The following NMI variants were observed in gnomAD, a reference collection of about 807,000 sequenced individuals.
The protein encoded by NMI is N-myc-interactor.
A neutral mutation model predicts 34.3 loss-of-function variants in NMI; 39 were observed. The ratio of observed to expected loss-of-function variants is 1.14; its 90% CI spans 0.88 to 1.49. The LOEUF is 1.49. Among genes scored for constraint, NMI ranks in the 40% most tolerant of loss-of-function variants. The pLI is 0.00. For synonymous variants in NMI, 113 were observed against 120.3 expected (o/e 0.94, Z 0.40); for missense variants, 339 against 358.1 (o/e 0.95, Z 0.43).
chr2:151,271,701 G>T lies in NMI; in HGVS notation c.666C>A (p.Tyr222Ter). ...VADKILKKKE[Y>*]PLYINQTCHR... is the part of the protein sequence containing the mutation. ...GGCAGGTTTGATTTATATAAAGAGG[G>T]TATTCTTTCTTTTTCAAAATCTTGT... Residue 222 changes from tyrosine (Y) to a stop codon, truncating the protein, a stop_gained, in exon 7 of 8, where the codon TAC becomes TAA. Transcript: ENST00000243346. LOFTEE classifies it high-confidence loss of function. 1 of 1,572,818 alleles carries T rather than the reference G, an allele frequency of 6.4e-7. No individual in the cohort carries two copies. The highest frequency in any genetic ancestry group is 2.2e-5 in the East Asian group (1 of 44,446).
intron 4 of NMI, chr2:151,277,388 G>C (rs993899053): frequency 2.6e-5 from 4 of 152,176 alleles, no homozygotes; most frequent in Non-Finnish European, 5.9e-5. Flanking sequence ...AGCTGAGAGG[G>C]ACCGCTTGTG....
chr2:151,281,026 G>A (rs1398927167), intron 3 of NMI, among the ~76,000 whole-genome samples: 2 of 151,878 alleles, frequency 1.3e-5, no homozygotes, highest in African/African-American at 4.8e-5. Flanking sequence ...TTTTAGTAGA[G>A]ACAGGGTTTC....
At chr2:151,289,087 C>CA (rs200462564) in intron 1 of NMI, 363 of 144,910 alleles carry the variant, frequency 2.5e-3, no homozygotes, top group East Asian at 5.4e-3. Context: ...ACTAAAAATA[C>CA]AAAAAAAAAA....
chr2:151,286,997 A>G (rs1387154762), intron 1 of NMI, among the ~76,000 whole-genome samples: 3 of 152,040 alleles, frequency 2.0e-5, no homozygotes, highest in Non-Finnish European at 2.9e-5. Flanking sequence ...TGACCCCTAC[A>G]CTATCCAAGA....
Position 151,282,972 on chromosome 2 carries a change from A to T in NMI, c.-6-18T>A, listed in dbSNP as rs775698108. 72 of 1,302,152 alleles carry T rather than the reference A, an allele frequency of 5.5e-5. No individual in the cohort carries two copies. The highest frequency in any genetic ancestry group is 6.9e-5 in the Non-Finnish European group (65 of 948,480). 80.7% of individuals were successfully genotyped at this position (1,302,152 alleles called of 1,614,324 possible). A position where few individuals can be genotyped will look rare whatever the true frequency, so the allele number is the denominator to read the frequency against. ...ATGATCCCCTAATATTATAAAAAAT[A>T]AATATTATAAGCATAGCATATATAC... is the stretch of plus-strand genomic sequence containing the variant. On this transcript the variant is annotated intron_variant, in intron 1 of 7. Transcript: ENST00000243346.
At chr2:151,274,103 G>A (rs1363027989) in intron 6 of NMI, among the ~76,000 whole-genome samples, 2 of 151,810 alleles carry the variant, frequency 1.3e-5, no homozygotes, top group African/African-American at 4.8e-5. Flanking sequence ...AGCACTTTGG[G>A]AAGCCAAGGC....
At chr2:151,285,598 A>C (rs1032496897) in intron 1 of NMI, among the ~76,000 whole-genome samples, 1 of 151,880 alleles carries the variant, frequency 6.6e-6, no homozygotes, top group Non-Finnish European at 1.5e-5. Flanking sequence ...AGAAAAAAAA[A>C]AAAAAAAAGC....
intron 1 of NMI, among the ~76,000 whole-genome samples, chr2:151,284,607 TG>T (rs1683463078): frequency 6.6e-6 from 1 of 151,850 alleles, no homozygotes; most frequent in Admixed American, 6.6e-5. Flanking sequence ...ATTGACTAAA[TG>T]TTTTTTTTTT....
At chr2:151,285,405 A>AG (rs56809811) in intron 1 of NMI, among the ~76,000 whole-genome samples, 38 of 141,270 alleles carry the variant, frequency 2.7e-4, no homozygotes, top group African/African-American at 1.1e-3. Context: ...ATAGATAGAT[A>AG]AATAGACAGA....
Position 151,275,739 on chromosome 2 carries a change from A to C in NMI, c.447+19T>G, listed in dbSNP as rs1215549177. 2.5e-6 allele frequency: 4 copies of C among 1,610,484 alleles called. No individual in the cohort carries two copies. The African/African-American group carries it at 5.4e-5, about 22-fold the overall frequency. On this transcript the variant is annotated intron_variant, in intron 5 of 7. Coordinates refer to ENST00000243346, the MANE Select transcript of NMI (RefSeq NM_004688.3). The stretch of plus-strand genomic sequence containing the variant: ...CTTGTGATGAACAGAAATCCAAAAA[A>C]TTTTAATCATCCTGTTACCTGGAAT...
In NMI at chr2:151,278,914, T is replaced by C; in HGVS notation, c.254A>G (p.Asn85Ser). 1 of 1,612,502 alleles carries C rather than the reference T, an allele frequency of 6.2e-7. No homozygotes were observed. Residue 85 changes from asparagine (N) to serine (S), a missense_variant, in exon 4 of 8, where the codon AAT becomes AGT. Coordinates refer to ENST00000243346, the MANE Select transcript of NMI (RefSeq NM_004688.3). ...GCTCACTTGAAACGAACAGGAGATA[T>C]TTGACAACTGGCTGTCATTCTCAGG... is the stretch of plus-strand genomic sequence containing the variant. ...ETPENDSQLS[N>S]ISCSFQVSSK...
chr2:151,286,995 A>G (rs1164508406), intron 1 of NMI, among the ~76,000 whole-genome samples: 1 of 152,068 alleles, frequency 6.6e-6, no homozygotes, highest in African/African-American at 2.4e-5. Context: ...CTTGACCCCT[A>G]CACTATCCAA....
chr2:151,285,919 G>A (rs142695248), intron 1 of NMI, among the ~76,000 whole-genome samples: 18 of 152,162 alleles, frequency 1.2e-4, no homozygotes, highest in African/African-American at 3.6e-4. Context: ...GATGGTTTTC[G>A]GTGGCCAAAT....
At chr2:151,286,820 C>T (rs1348084903) in intron 1 of NMI, among the ~76,000 whole-genome samples, 2 of 152,178 alleles carry the variant, frequency 1.3e-5, no homozygotes, top group Non-Finnish European at 2.9e-5. Context: ...TCCACACTTC[C>T]ACATCTCCCT....
chr2:151,273,624 G>A (rs1169410849), intron 6 of NMI, among the ~76,000 whole-genome samples: 2 of 152,182 alleles, frequency 1.3e-5, no homozygotes, highest in African/African-American at 4.8e-5. Flanking sequence ...CCAGGTTCAA[G>A]CAATTCTCCT....
At chr2:151,288,353 G>A (rs910839528) in intron 1 of NMI, among the ~76,000 whole-genome samples, 3 of 152,168 alleles carry the variant, frequency 2.0e-5, no homozygotes, top group Non-Finnish European at 4.4e-5. Flanking sequence ...ATGTGACCCC[G>A]GAAGAACTTT....
intron 1 of NMI, among the ~76,000 whole-genome samples, chr2:151,284,789 C>A (rs544810482): frequency 6.6e-6 from 1 of 152,216 alleles, no homozygotes; most frequent in South Asian, 2.1e-4. Context: ...AACAGTCTGC[C>A]ATATAATTTT....
intron 6 of NMI, among the ~76,000 whole-genome samples, chr2:151,274,664 G>A (rs527560297): frequency 6.6e-6 from 1 of 151,664 alleles, no homozygotes; most frequent in South Asian, 2.1e-4. Flanking sequence ...TTTTAGTAGA[G>A]ACGGGGTTTC....
chr2:151,276,967 A>G (rs182117761), intron 4 of NMI, among the ~76,000 whole-genome samples: 80 of 152,378 alleles, frequency 5.3e-4, no homozygotes, highest in Non-Finnish European at 9.3e-4. Flanking sequence ...CTCTATGTCA[A>G]TTAAAAATGT....
Sources: gnomAD v4.1 joint callset for allele counts (sites outside exome capture counted in the v4.1 genomes callset) on GRCh38, gnomAD v4.1.1 for gene constraint, MANE v1.5 for transcripts, NCBI Gene and HGNC (gene_info 2026-07-23, HGNC 2026-07-21) for gene names.